The following PRKD1 variants were observed in gnomAD, a reference collection of about 807,000 sequenced individuals.
PRKD1 encodes protein kinase D1, also known as serine/threonine-protein kinase D1.
In PRKD1, 63 loss-of-function variants were observed where a neutral mutation model predicts 95.9. The ratio of observed to expected loss-of-function variants is 0.66; its 90% CI spans 0.54 to 0.81. The LOEUF (loss-of-function observed/expected upper bound fraction) is 0.81, where lower values mean the gene tolerates loss of function less well. Ranked by LOEUF, PRKD1 falls within the 30% of genes least tolerant of loss-of-function variation. The pLI, the probability that PRKD1 is intolerant of heterozygous loss-of-function variation, is 0.00. For missense variants in PRKD1, 1,048 were observed against 1,165.3 expected (o/e 0.90, Z 1.47); for synonymous variants, 425 against 423.1 (o/e 1.00, Z -0.05).
At chr14:29,717,446 A>G (rs1014997590) in intron 2 of PRKD1, among the ~76,000 whole-genome samples, 5 of 152,188 alleles carry the variant, frequency 3.3e-5, no homozygotes, top group African/African-American at 1.2e-4. Flanking sequence ...TGACTTGCTG[A>G]ACATTATATA....
chr14:29,753,921 T>C (rs1454505768), intron 1 of PRKD1, among the ~76,000 whole-genome samples: 2 of 152,168 alleles, frequency 1.3e-5, no homozygotes, highest in African/African-American at 4.8e-5. Context: ...CTTACGTACC[T>C]GTGTGAGAAT....
intron 13 of PRKD1, among the ~76,000 whole-genome samples, chr14:29,612,837 G>A (rs530296768): frequency 2.2e-4 from 34 of 152,278 alleles, no homozygotes; most frequent in African/African-American, 7.7e-4. Flanking sequence ...GGTGGCTCAC[G>A]CCTGTAAACC....
intron 1 of PRKD1, among the ~76,000 whole-genome samples, chr14:29,749,522 AG>A (rs957077666): frequency 6.6e-6 from 1 of 152,204 alleles, no homozygotes; most frequent in African/African-American, 2.4e-5. Context: ...ACCAGCACCA[AG>A]ATGCAATCAT....
In PRKD1 at chr14:29,782,715, C is replaced by CT. The variant is rs201827661; in HGVS notation, c.265-57042dup. Among the ~76,000 whole-genome samples the CT allele has an allele frequency of 7.3e-3, 1,102 of 150,228 alleles. 16 individuals are homozygous for CT. Among genetic ancestry groups the CT allele is most frequent in the African/African-American group, 0.025 (1,017 of 40,986 alleles). The stretch of plus-strand genomic sequence containing the variant: ...CCACCATGCCCAGCTAATTTTTTTT[C>CT]TTTTTTTTTGGTTGAGATGGGGTTT... On this transcript the variant is annotated intron_variant, in intron 1 of 17. Transcript: ENST00000331968.
chr14:29,711,907 T>G (rs1274170811), intron 2 of PRKD1, among the ~76,000 whole-genome samples: 2 of 152,178 alleles, frequency 1.3e-5, no homozygotes, highest in African/African-American at 2.4e-5. Context: ...ATATAAATTA[T>G]GTTTTTAAGT....
intron 1 of PRKD1, among the ~76,000 whole-genome samples, chr14:29,876,889 G>A (rs967864661): frequency 6.6e-6 from 1 of 152,080 alleles, no homozygotes; most frequent in Non-Finnish European, 1.5e-5. Context: ...TGGTGGCTCA[G>A]GCCTGTAATC....
At chr14:29,665,399 A>T (rs45588535) in intron 3 of PRKD1, among the ~76,000 whole-genome samples, 70 of 151,968 alleles carry the variant, frequency 4.6e-4, no homozygotes, top group Middle Eastern at 6.8e-3. Context: ...CCTGCTTCTG[A>T]TTTTCCAATG....
intron 1 of PRKD1, among the ~76,000 whole-genome samples, chr14:29,727,422 G>T (rs566863771): frequency 2.2e-4 from 34 of 151,510 alleles, no homozygotes; most frequent in African/African-American, 7.0e-4. Flanking sequence ...GTCAATTTTG[G>T]CTTTTGTTGC....
At chr14:29,793,205 A>G (rs1889626447) in intron 1 of PRKD1, among the ~76,000 whole-genome samples, 1 of 152,052 alleles carries the variant, frequency 6.6e-6, no homozygotes, top group Admixed American at 6.6e-5. Context: ...GTTTCTAAAG[A>G]ATAGAGAATG....
chr14:29,746,226 C>G (rs1416142382), intron 1 of PRKD1, among the ~76,000 whole-genome samples: 1 of 152,078 alleles, frequency 6.6e-6, no homozygotes, highest in Non-Finnish European at 1.5e-5. Flanking sequence ...GACCTTACCC[C>G]TCTAGAAAAC....
intron 4 of PRKD1, among the ~76,000 whole-genome samples, chr14:29,658,688 T>C (rs980629754): frequency 2.0e-5 from 3 of 152,198 alleles, no homozygotes; most frequent in Admixed American, 2.0e-4. Flanking sequence ...GGTTTTTCCC[T>C]TAAAGGAAGA....
At position 29,629,035 on chromosome 14, in the gene PRKD1, A is replaced by G; in HGVS notation, c.1725+6T>C. 1 of 1,591,274 alleles carries G rather than the reference A, an allele frequency of 6.3e-7. No individual in the cohort carries two copies. Reference sequence around the variant, plus strand: ...GCAAGTTTTATATTAGTAGGTACATACTTACCACATTTTCTTGAATCTGGC... The same window carrying G: ...GCAAGTTTTATATTAGTAGGTACATGCTTACCACATTTTCTTGAATCTGGC... On this transcript the variant is annotated splice_donor_region_variant and intron_variant, in intron 11 of 17. Transcript: ENST00000331968.
intron 2 of PRKD1, among the ~76,000 whole-genome samples, chr14:29,723,470 C>T (rs1447313685): frequency 1.3e-5 from 2 of 151,886 alleles, no homozygotes; most frequent in Non-Finnish European, 2.9e-5. Flanking sequence ...CCTAAAAAGG[C>T]TAAGGGAAAA....
chr14:29,920,651 A>G (rs140495083), intron 1 of PRKD1, among the ~76,000 whole-genome samples: 2 of 150,932 alleles, frequency 1.3e-5, no homozygotes, highest in African/African-American at 4.9e-5. Context: ...TATCCATTAC[A>G]CTCTTCTTTA....
chr14:29,746,527 T>TACACACACAC (rs1185689162), intron 1 of PRKD1, among the ~76,000 whole-genome samples: 3 of 146,054 alleles, frequency 2.1e-5, no homozygotes, highest in African/African-American at 8.2e-5. Context: ...TGTGTGTACA[T>TACACACACAC]ATATACACAC....
intron 1 of PRKD1, among the ~76,000 whole-genome samples, chr14:29,908,376 C>G (rs966290548): frequency 2.6e-5 from 4 of 152,160 alleles, no homozygotes; most frequent in Admixed American, 2.6e-4. Context: ...TCAACGCGAC[C>G]TCCACCTCCC....
intron 4 of PRKD1, among the ~76,000 whole-genome samples, chr14:29,651,234 A>C (rs1214344439): frequency 6.6e-6 from 1 of 152,230 alleles, no homozygotes; most frequent in African/African-American, 2.4e-5. Context: ...TTTGGGTTTT[A>C]AAAATACAGA....
At position 29,634,366 on chromosome 14, in the gene PRKD1, C is replaced by T. The variant is rs370530713; in HGVS notation, c.1314+52G>A. On this transcript the variant is annotated intron_variant, in intron 8 of 17. Coordinates refer to ENST00000331968, the MANE Select transcript of PRKD1 (RefSeq NM_002742.3). ...CAGTCCTCACGGGACATTAGCAACT[C>T]CTCTAATTAAAGCTAGCAAGGCAAG... 20 of 1,612,742 alleles carry T rather than the reference C, an allele frequency of 1.2e-5. No homozygotes were observed. The East Asian group carries it at 1.3e-4, about 11-fold the overall frequency.
In PRKD1 at chr14:29,856,674, T is replaced by C. The variant is rs141344804; in HGVS notation, c.264+70575A>G. The stretch of plus-strand genomic sequence containing the variant: ...ATACTCAAGAGAGAAGGAGCCCAGA[T>C]ACCATGAAGTCCAGGAAAGAGTCCA... On this transcript the variant is annotated intron_variant, in intron 1 of 17. Transcript: ENST00000331968. Among the ~76,000 whole-genome samples the C allele has an allele frequency of 4.6e-5, 7 of 152,304 alleles. No individual in the cohort carries two copies. The East Asian group carries it at 1.4e-3, about 29-fold the overall frequency.
Sources: gnomAD v4.1 joint callset for allele counts (sites outside exome capture counted in the v4.1 genomes callset) on GRCh38, gnomAD v4.1.1 for gene constraint, MANE v1.5 for transcripts, NCBI Gene and HGNC (gene_info 2026-07-23, HGNC 2026-07-21) for gene names.